KCNU1: variants seen among roughly 807,000 people sequenced by gnomAD.
KCNU1 encodes the protein potassium calcium-activated channel subfamily U member 1, also known as potassium channel subfamily U member 1.
A neutral mutation model predicts 126.8 loss-of-function variants in KCNU1; 93 were observed. The ratio of observed to expected loss-of-function variants is 0.73; its 90% CI spans 0.62 to 0.87. KCNU1 has a LOEUF of 0.87. Ranked by LOEUF, KCNU1 falls within the 40% of genes least tolerant of loss-of-function variation. The pLI, the probability that KCNU1 is intolerant of heterozygous loss-of-function variation, is 0.00. For synonymous variants in KCNU1, 523 were observed against 494.2 expected, an observed-to-expected ratio of 1.06 and a Z score of -0.77; for missense variants, 1,330 against 1,367.1, an observed-to-expected ratio of 0.97 and a Z score of 0.43.
intron 4 of KCNU1, among the ~76,000 whole-genome samples, chr8:36,805,574 G>A (rs1803468945): frequency 6.6e-6 from 1 of 152,126 alleles, no homozygotes; most frequent in South Asian, 2.1e-4. Context: ...TACTAATAAT[G>A]ACAAGCGAGC....
At chr8:36,844,250 C>A (rs1240655141) in intron 16 of KCNU1, among the ~76,000 whole-genome samples, 1 of 151,922 alleles carries the variant, frequency 6.6e-6, no homozygotes, top group Non-Finnish European at 1.5e-5. Context: ...CATGGTGGTG[C>A]ACACCTGCAA....
At chr8:36,864,364 A>G (rs772440325) in intron 18 of KCNU1, 40 bp from the exon 19 acceptor site, 1 of 1,183,958 alleles carries the variant, frequency 8.4e-7, no homozygotes, top group South Asian at 1.2e-5. Flanking sequence ...TCCCTTGTGA[A>G]GAGATGTGCC....
chr8:36,889,335 T>G, intron 19 of KCNU1: 1 of 484,236 alleles, frequency 2.1e-6, no homozygotes, highest in Non-Finnish European at 4.2e-6. Context: ...ACTTTGGATC[T>G]ATCACCTGTC....
intron 2 of KCNU1, among the ~76,000 whole-genome samples, chr8:36,791,823 G>T (rs1001373647): frequency 6.6e-6 from 1 of 151,976 alleles, no homozygotes; most frequent in Non-Finnish European, 1.5e-5. Flanking sequence ...TATATGCATT[G>T]TTTATGTGAA....
intron 2 of KCNU1, among the ~76,000 whole-genome samples, chr8:36,787,792 CTTACTAATTATAGTTAA>C (rs1802765077): frequency 6.8e-6 from 1 of 146,056 alleles, no homozygotes; most frequent in African/African-American, 2.5e-5. Context: ...TAATTATATT[CTTACTAATTATAGTTAA>C]TTACTAATTA....
chr8:36,915,230 C>T (rs1230196005), intron 22 of KCNU1, among the ~76,000 whole-genome samples: 1 of 152,172 alleles, frequency 6.6e-6, no homozygotes, highest in African/African-American at 2.4e-5. Flanking sequence ...AAACTGATTT[C>T]AATATGTTAT....
chr8:36,894,209 A>C (rs1563320600), intron 19 of KCNU1, among the ~76,000 whole-genome samples: 1 of 152,140 alleles, frequency 6.6e-6, no homozygotes, highest in Admixed American at 6.6e-5. Flanking sequence ...TTTCAATGAA[A>C]GTATACTGTG....
At chr8:36,881,053 A>G (rs1806456578) in intron 19 of KCNU1, among the ~76,000 whole-genome samples, 1 of 152,060 alleles carries the variant, frequency 6.6e-6, no homozygotes, top group South Asian at 2.1e-4. Context: ...AGGAGGGAGG[A>G]ACATGGTGCT....
chr8:36,851,375 CTCTCTCTCTCTA>C (rs1213334729), intron 18 of KCNU1, among the ~76,000 whole-genome samples: 94 of 141,788 alleles, frequency 6.6e-4, no homozygotes, highest in African/African-American at 2.2e-3. Flanking sequence ...CACTTCCCTT[CTCTCTCTCTCTA>C]TCTCTCTCTC....
Position 36,866,709 on chromosome 8 carries a change from T to C in KCNU1, c.2009+2188T>C, listed in dbSNP as rs1159566. On this transcript the variant is annotated intron_variant, in intron 19 of 26. Transcript: ENST00000399881. Reference sequence around the variant, plus strand: ...GATGCTTTTGTAAATGTAGAAATCATGTTTCAACTTCCATGCTGTCTAGAT... The same window carrying C: ...GATGCTTTTGTAAATGTAGAAATCACGTTTCAACTTCCATGCTGTCTAGAT... Among the ~76,000 whole-genome samples, 735 of 152,254 alleles carry C rather than the reference T, an allele frequency of 4.8e-3. 4 individuals carry two copies. Among genetic ancestry groups the C allele is most frequent in the Non-Finnish European group, 8.5e-3 (581 of 68,004 alleles).
chr8:36,919,428 CAAA>C (rs10699066), intron 23 of KCNU1, among the ~76,000 whole-genome samples: 2 of 109,476 alleles, frequency 1.8e-5, no homozygotes, highest in African/African-American at 3.5e-5. Flanking sequence ...CTAAAATAGG[CAAA>C]AAAAAAAAAA....
chr8:36,915,886 A>C (rs896094264), intron 22 of KCNU1, among the ~76,000 whole-genome samples: 1 of 152,130 alleles, frequency 6.6e-6, no homozygotes, highest in Non-Finnish European at 1.5e-5. Flanking sequence ...AGGACTGTAC[A>C]TAGTTCTATC....
intron 2 of KCNU1, among the ~76,000 whole-genome samples, chr8:36,789,079 G>A (rs886386591): frequency 2.6e-5 from 4 of 152,160 alleles, no homozygotes; most frequent in Admixed American, 6.5e-5. Flanking sequence ...GCTCTAGGCC[G>A]GGTGCAGTGG....
intron 20 of KCNU1, among the ~76,000 whole-genome samples, chr8:36,908,064 A>G (rs1315656591): frequency 1.3e-5 from 2 of 152,186 alleles, no homozygotes. Context: ...TAACAATAGT[A>G]CCAGAATACA....
intron 18 of KCNU1, among the ~76,000 whole-genome samples, chr8:36,851,043 A>G (rs1805324717): frequency 6.6e-6 from 1 of 152,052 alleles, no homozygotes; most frequent in South Asian, 2.1e-4. Context: ...TTCTTTTTCA[A>G]TATTATTTTG....
At chr8:36,866,485 A>G (rs1038218520) in intron 19 of KCNU1, among the ~76,000 whole-genome samples, 3 of 152,132 alleles carry the variant, frequency 2.0e-5, no homozygotes, top group African/African-American at 7.2e-5. Flanking sequence ...AGTGGATGAG[A>G]TAGCCTATGG....
chr8:36,835,576 G>C (rs139334192), intron 12 of KCNU1, among the ~76,000 whole-genome samples: 2,282 of 152,242 alleles, frequency 0.015, 59 homozygotes, highest in African/African-American at 0.053. Flanking sequence ...CCTGAGCTCA[G>C]ATGATCTGTC....
At chr8:36,906,000 C>T (rs1807614076) in intron 20 of KCNU1, among the ~76,000 whole-genome samples, 196 bp downstream of exon 20, 1 of 152,158 alleles carries the variant, frequency 6.6e-6, no homozygotes, top group Non-Finnish European at 1.5e-5. Context: ...ACAAAGCCTA[C>T]ATGAGTAATA....
At chr8:36,818,367 CT>C (rs150474892) in intron 10 of KCNU1, among the ~76,000 whole-genome samples, 8,164 of 151,990 alleles carry the variant, frequency 0.054, 767 homozygotes, top group African/African-American at 0.19. Context: ...TTCTTTCTTT[CT>C]TTCATCCTCT....
Sources: allele counts gnomAD v4.1 joint callset (sites outside exome capture counted in the v4.1 genomes callset), GRCh38; gene constraint gnomAD v4.1.1; transcripts MANE v1.5; gene names NCBI Gene and HGNC (gene_info 2026-07-23, HGNC 2026-07-21).